ZFPM1: variants seen among roughly 807,000 people sequenced by gnomAD.
ZFPM1 encodes the protein zinc finger protein ZFPM1.
In ZFPM1, 28 loss-of-function variants were observed where a neutral mutation model predicts 46.3. The observed-to-expected ratio is 0.60, with a 90% CI of 0.45 to 0.83. The LOEUF is 0.83. Among genes scored for constraint, ZFPM1 ranks in the 40% least tolerant of loss-of-function variants. ZFPM1 has a pLI of 0.00. For synonymous variants in ZFPM1, 957 were observed against 675.9 expected (o/e 1.42, Z -6.45); for missense variants, 1,878 against 1,432.4 (o/e 1.31, Z -5.02).
chr16:88,485,153 G>A lies in ZFPM1; in HGVS notation c.41-786G>A, dbSNP rs142193775. On this transcript the variant is annotated intron_variant, in intron 1 of 9. Coordinates refer to ENST00000319555, the MANE Select transcript of ZFPM1 (RefSeq NM_153813.3). Reference sequence around the variant, plus strand: ...GGGGCACTGGCAGGTGATGCCAGGCGGAGGCCGTGGCGACGGCGACCCTCA... The same window carrying A: ...GGGGCACTGGCAGGTGATGCCAGGCAGAGGCCGTGGCGACGGCGACCCTCA... 7.5e-4 allele frequency among the ~76,000 whole-genome samples: 114 copies of A among 152,324 alleles called. 1 individual carries two copies. The highest frequency in any genetic ancestry group is 2.7e-3 in the African/African-American group (111 of 41,572).
intron 3 of ZFPM1, among the ~76,000 whole-genome samples, chr16:88,512,118 G>T (rs909311258): frequency 8.5e-5 from 13 of 152,228 alleles, no homozygotes; most frequent in Non-Finnish European, 1.5e-4. Flanking sequence ...TGCCAGCCAC[G>T]CTCTTATCTG....
chr16:88,499,936 A>G (rs1327213124), intron 3 of ZFPM1, among the ~76,000 whole-genome samples: 1 of 152,164 alleles, frequency 6.6e-6, no homozygotes, highest in African/African-American at 2.4e-5. Context: ...TGAGGAGCGC[A>G]GCCGGAGCCC....
intron 4 of ZFPM1, among the ~76,000 whole-genome samples, chr16:88,522,600 C>T (rs963409863): frequency 2.0e-5 from 3 of 152,352 alleles, no homozygotes; most frequent in African/African-American, 7.2e-5. Context: ...ATAGGGTTTC[C>T]GATGGCTATC....
At chr16:88,482,991 C>G (rs1193510571) in intron 1 of ZFPM1, among the ~76,000 whole-genome samples, 2 of 152,166 alleles carry the variant, frequency 1.3e-5, no homozygotes, top group Admixed American at 1.3e-4. Flanking sequence ...GGAGGGCACT[C>G]GGGTTGGGCC....
chr16:88,476,601 C>T (rs996850107), intron 1 of ZFPM1, among the ~76,000 whole-genome samples: 7 of 152,008 alleles, frequency 4.6e-5, no homozygotes, highest in Admixed American at 1.3e-4. Context: ...GCTCCGAGAT[C>T]CCCGGGGGCC....
chr16:88,453,588 G>C lies in ZFPM1; in HGVS notation c.-51G>C. ...CGCCGCGCCCCCGCCGCCCGCCGCC[G>C]CCCGCCCGGGGCTAGAGGCGGCCGC... is the stretch of plus-strand genomic sequence containing the variant. On this transcript the variant is annotated 5_prime_UTR_variant, in exon 1 of 10. Coordinates refer to ENST00000319555, the MANE Select transcript of ZFPM1 (RefSeq NM_153813.3). The C allele has an allele frequency of 5.1e-6, 5 of 981,046 alleles. No homozygotes were observed. The highest frequency in any genetic ancestry group is 4.9e-6 in the Non-Finnish European group (4 of 824,560). 60.8% of individuals were successfully genotyped at this position (981,046 alleles called of 1,614,324 possible).
At chr16:88,516,534 C>A (rs1274580962) in intron 4 of ZFPM1, 32 of 398,550 alleles carry the variant, frequency 8.0e-5, no homozygotes, top group Non-Finnish European at 1.3e-5. Flanking sequence ...AGAATTAAAT[C>A]CTTGATTAAC....
intron 4 of ZFPM1, among the ~76,000 whole-genome samples, chr16:88,521,403 C>G (rs552775326): frequency 1.3e-5 from 2 of 152,020 alleles, no homozygotes; most frequent in Non-Finnish European, 2.9e-5. Context: ...TGCTCAGACC[C>G]TGTGGTGCCT....
At chr16:88,473,862 C>T (rs963773403) in intron 1 of ZFPM1, among the ~76,000 whole-genome samples, 7 of 152,226 alleles carry the variant, frequency 4.6e-5, no homozygotes, top group Admixed American at 6.5e-5. Flanking sequence ...CGGCCCCACG[C>T]GGCCTCGCCA....
chr16:88,529,600 T>A, intron 6 of ZFPM1, among the ~76,000 whole-genome samples: 1 of 152,296 alleles, frequency 6.6e-6, no homozygotes, highest in East Asian at 1.9e-4. Context: ...CCCTGGGGCC[T>A]GTGGACCCTG....
chr16:88,518,747 GGA>G (rs1463033112), intron 4 of ZFPM1, among the ~76,000 whole-genome samples: 1 of 124,718 alleles, frequency 8.0e-6, no homozygotes, highest in Non-Finnish European at 1.9e-5. Context: ...GTGGATGGAT[GGA>G]TGGATGGATG....
At chr16:88,468,103 C>T (rs1218567639) in intron 1 of ZFPM1, among the ~76,000 whole-genome samples, 3 of 139,510 alleles carry the variant, frequency 2.2e-5, no homozygotes, top group Admixed American at 7.1e-5. Flanking sequence ...CGCTGACGCA[C>T]CTGCGAGCCC....
At position 88,480,934 on chromosome 16, in the gene ZFPM1, G is replaced by A. The variant is rs1908908309; in HGVS notation, c.41-5005G>A. ...GGGGCCACCTTAATCGTCGGTGTGG[G>A]GACTTGGAAGGGAGCTGGGATCATC... is the stretch of plus-strand genomic sequence containing the variant. On this transcript the variant is annotated intron_variant, in intron 1 of 9. Coordinates refer to ENST00000319555, the MANE Select transcript of ZFPM1 (RefSeq NM_153813.3). This position sits in a 1 kb window ranked among gnomAD's most constrained non-coding sequence, Gnocchi z 4.9. 6.6e-6 allele frequency among the ~76,000 whole-genome samples: 1 copy of A among 152,242 alleles called. No homozygotes were observed. The highest frequency in any genetic ancestry group is 1.5e-5 in the Non-Finnish European group (1 of 68,046).
upstream of ZFPM1, among the ~76,000 whole-genome samples, chr16:88,451,870 G>A (rs1042990770): frequency 2.6e-5 from 4 of 152,038 alleles, no homozygotes; most frequent in African/African-American, 4.8e-5. Flanking sequence ...GGGGAGGGAC[G>A]GCGCATATCC....
rs1459509042 is a variant in ZFPM1, at chr16:88,514,528, G to A, written c.402+8G>A. On this transcript the variant is annotated splice_region_variant and intron_variant, in intron 4 of 9. Transcript: ENST00000319555. ...CCCAGGCAGGCGGAGCCGGTAAGAAGCCCCCATCCCCGCCCCTGCCCGCCC... is the reference window on the plus strand; with the variant it reads ...CCCAGGCAGGCGGAGCCGGTAAGAAACCCCCATCCCCGCCCCTGCCCGCCC... 16 of 1,553,660 alleles carry A rather than the reference G, an allele frequency of 1.0e-5. No homozygotes were observed. The South Asian group carries it at 1.8e-4, about 17-fold the overall frequency.
chr16:88,511,664 G>C (rs747226915), intron 3 of ZFPM1, among the ~76,000 whole-genome samples: 1 of 152,188 alleles, frequency 6.6e-6, no homozygotes, highest in Non-Finnish European at 1.5e-5. Flanking sequence ...GGTTGGGAGA[G>C]GGTCTCTGCA....
chr16:88,489,155 T>C lies in ZFPM1; in HGVS notation c.268+2T>C. ...CGGGCAGTCCCTGGAGCGGGCCAGG[T>C]AACCACGCGGGTGGTGGGGGCAGCA... On this transcript the variant is annotated splice_donor_variant, in intron 3 of 9. Coordinates refer to ENST00000319555, the MANE Select transcript of ZFPM1 (RefSeq NM_153813.3). LOFTEE classifies it high-confidence loss of function. 1 of 1,595,386 alleles carries C rather than the reference T, an allele frequency of 6.3e-7. No individual in the cohort carries two copies.
At position 88,473,675 on chromosome 16, in the gene ZFPM1, C is replaced by G. The variant is rs553759219; in HGVS notation, c.41-12264C>G. 8.3e-4 allele frequency among the ~76,000 whole-genome samples: 127 copies of G among 152,254 alleles called. No individual in the cohort carries two copies. The Middle Eastern group carries it at 0.01, about 12-fold the overall frequency. ...CCGCCCCATCTATCAGCCCTTATCA[C>G]CCATCTGGGGAGGGGGGTCGCTCCC... is the stretch of plus-strand genomic sequence containing the variant. On this transcript the variant is annotated intron_variant, in intron 1 of 9. Coordinates refer to ENST00000319555, the MANE Select transcript of ZFPM1 (RefSeq NM_153813.3).
intron 2 of ZFPM1, among the ~76,000 whole-genome samples, chr16:88,488,294 G>A (rs957736340): frequency 6.6e-6 from 1 of 152,144 alleles, no homozygotes; most frequent in African/African-American, 2.4e-5. Context: ...CCGCATGGGG[G>A]CGGGGGTGGG....
Sources: gnomAD v4.1 joint callset for allele counts (sites outside exome capture counted in the v4.1 genomes callset) on GRCh38, gnomAD v4.1.1 for gene constraint, Gnocchi (gnomAD v3.1) non-coding constraint, MANE v1.5 for transcripts, NCBI Gene and HGNC (gene_info 2026-07-23, HGNC 2026-07-21) for gene names.